SEMA5A: variants seen among roughly 807,000 people sequenced by gnomAD.
SEMA5A encodes semaphorin 5A.
A neutral mutation model predicts 135.5 loss-of-function variants in SEMA5A; 55 were observed. The ratio of observed to expected loss-of-function variants is 0.41; its 90% CI spans 0.33 to 0.51. SEMA5A has a LOEUF of 0.51. Ranked by LOEUF, SEMA5A falls within the 20% of genes least tolerant of loss-of-function variation. The probability of loss-of-function intolerance (pLI) is 0.37; values close to 1 mark genes in which losing one functional copy is unlikely to be tolerated. For synonymous variants in SEMA5A, 580 were observed against 546.5 expected (o/e 1.06, Z -0.85); for missense variants, 1,290 against 1,419.9 (o/e 0.91, Z 1.47).
intron 11 of SEMA5A, among the ~76,000 whole-genome samples, chr5:9,183,440 A>T (rs2150332928): frequency 6.6e-6 from 1 of 152,262 alleles, no homozygotes; most frequent in East Asian, 1.9e-4. Context: ...GAAGCGTGCG[A>T]TCTCATCCAA....
chr5:9,544,507 C>T (rs2126407433), intron 1 of SEMA5A, among the ~76,000 whole-genome samples: 1 of 151,994 alleles, frequency 6.6e-6, no homozygotes, highest in South Asian at 2.1e-4. Context: ...CAGATCAGCT[C>T]CCCCAACCCC....
intron 12 of SEMA5A, among the ~76,000 whole-genome samples, chr5:9,139,770 A>C (rs1741963039): frequency 6.6e-6 from 1 of 152,180 alleles, no homozygotes; most frequent in African/African-American, 2.4e-5. Flanking sequence ...ATAGCATCTA[A>C]TGTGTGTTCC....
intron 1 of SEMA5A, among the ~76,000 whole-genome samples, chr5:9,470,447 C>G (rs774996559): frequency 1.3e-5 from 2 of 152,316 alleles, no homozygotes; most frequent in South Asian, 4.1e-4. Context: ...ATTTCCAGCT[C>G]ATGTGAGAAG....
chr5:9,502,719 CAAG>C (rs1341916920), intron 1 of SEMA5A, among the ~76,000 whole-genome samples: 1 of 152,114 alleles, frequency 6.6e-6, no homozygotes, highest in African/African-American at 2.4e-5. Context: ...TCCTCAACTT[CAAG>C]GAGAGGAGCA....
intron 3 of SEMA5A, among the ~76,000 whole-genome samples, chr5:9,347,969 C>T (rs984302404): frequency 4.6e-5 from 7 of 152,176 alleles, no homozygotes; most frequent in Non-Finnish European, 8.8e-5. Flanking sequence ...TGTTACCCCA[C>T]GTTTTCAATT....
At chr5:9,501,282 A>G (rs1439780010) in intron 1 of SEMA5A, among the ~76,000 whole-genome samples, 2 of 152,240 alleles carry the variant, frequency 1.3e-5, no homozygotes, top group Non-Finnish European at 2.9e-5. Flanking sequence ...GTCTATGCTT[A>G]CTTGCATTCT....
In SEMA5A at chr5:9,075,944, C is replaced by A. The variant is rs374800477; in HGVS notation, c.2074-9298G>T. Among the ~76,000 whole-genome samples the A allele has an allele frequency of 2.5e-4, 38 of 152,140 alleles. No individual in the cohort carries two copies. The Middle Eastern group carries it at 0.01, about 41-fold the overall frequency. Reference sequence around the variant, plus strand: ...TCTTCAGGCCAGGCATGGTGGCTCACGCCTGTAATCCCAGCACTTTGGGAG... The same window carrying A: ...TCTTCAGGCCAGGCATGGTGGCTCAAGCCTGTAATCCCAGCACTTTGGGAG... On this transcript the variant is annotated intron_variant, in intron 16 of 22. Transcript: ENST00000382496.
chr5:9,384,619 CATAGAT>C (rs1755776109), intron 2 of SEMA5A, among the ~76,000 whole-genome samples: 2 of 85,812 alleles, frequency 2.3e-5, no homozygotes, highest in African/African-American at 8.8e-5. Context: ...TAGATAGATA[CATAGAT>C]AGATAGATAG....
At chr5:9,436,140 C>A (rs1758021066) in intron 2 of SEMA5A, among the ~76,000 whole-genome samples, 1 of 152,166 alleles carries the variant, frequency 6.6e-6, no homozygotes, top group African/African-American at 2.4e-5. Context: ...AGAATACGAA[C>A]CTGAAAGGGT....
chr5:9,391,094 C>T (rs1423819214), intron 2 of SEMA5A: 1 of 152,208 alleles, frequency 6.6e-6, no homozygotes, highest in Non-Finnish European at 1.5e-5. Context: ...GCTAGACACA[C>T]AGGTCATCCA....
At position 9,091,377 on chromosome 5, in the gene SEMA5A, G is replaced by A. The variant is rs538647664; in HGVS notation, c.2073+16763C>T. 4.6e-5 allele frequency among the ~76,000 whole-genome samples: 7 copies of A among 152,252 alleles called. No homozygotes were observed. The East Asian group carries it at 1.2e-3, about 25-fold the overall frequency. Reference sequence around the variant, plus strand: ...GTAGATGTACCCATGGGGTACATCTGAGAAAAACAGGGCTCTGTAGAGCTG... The same window carrying A: ...GTAGATGTACCCATGGGGTACATCTAAGAAAAACAGGGCTCTGTAGAGCTG... On this transcript the variant is annotated intron_variant, in intron 16 of 22. Coordinates refer to ENST00000382496, the MANE Select transcript of SEMA5A (RefSeq NM_003966.3).
chr5:9,396,447 TC>T (rs1321603058), intron 2 of SEMA5A, among the ~76,000 whole-genome samples: 1 of 152,110 alleles, frequency 6.6e-6, no homozygotes, highest in Non-Finnish European at 1.5e-5. Flanking sequence ...AGACTGGCCC[TC>T]CTAGGGCTAG....
At chr5:9,151,022 T>C (rs769049085) in intron 12 of SEMA5A, among the ~76,000 whole-genome samples, 1 of 152,172 alleles carries the variant, frequency 6.6e-6, no homozygotes, top group South Asian at 2.1e-4. Context: ...CCAGGTCTCA[T>C]GTTGCAGTAG....
chr5:9,211,954 G>T (rs1411752805), intron 8 of SEMA5A, among the ~76,000 whole-genome samples: 2 of 152,198 alleles, frequency 1.3e-5, no homozygotes, highest in Non-Finnish European at 2.9e-5. Flanking sequence ...CTCAGAGACT[G>T]CAGGACACTG....
intron 4 of SEMA5A, 27 bp downstream of exon 4, chr5:9,337,686 G>A: frequency 6.6e-7 from 1 of 1,517,686 alleles, no homozygotes; most frequent in South Asian, 1.2e-5. Context: ...AAAAATATCT[G>A]TGGTGGCAAA....
intron 6 of SEMA5A, among the ~76,000 whole-genome samples, chr5:9,235,998 C>A (rs1395420229): frequency 6.6e-6 from 1 of 152,138 alleles, no homozygotes; most frequent in Non-Finnish European, 1.5e-5. Context: ...TGGCAGCAGG[C>A]AAGAGAGCTT....
chr5:9,188,447 A>G (rs1157050945), intron 11 of SEMA5A, among the ~76,000 whole-genome samples: 1 of 152,114 alleles, frequency 6.6e-6, no homozygotes, highest in Non-Finnish European at 1.5e-5. Context: ...AGCAAACATG[A>G]CCTACTTGGA....
At chr5:9,445,930 A>G (rs578044693) in intron 1 of SEMA5A, among the ~76,000 whole-genome samples, 1 of 152,318 alleles carries the variant, frequency 6.6e-6, no homozygotes, top group Admixed American at 6.5e-5. Context: ...GATGGCATGA[A>G]AGAGAAATAC....
At chr5:9,445,350 G>A (rs547085236) in intron 1 of SEMA5A, among the ~76,000 whole-genome samples, 13 of 151,612 alleles carry the variant, frequency 8.6e-5, no homozygotes, top group East Asian at 3.9e-4. Flanking sequence ...GAATCCCTTC[G>A]GTAAATATCT....
Sources: gnomAD v4.1 joint callset for allele counts (sites outside exome capture counted in the v4.1 genomes callset) on GRCh38, gnomAD v4.1.1 for gene constraint, MANE v1.5 for transcripts, NCBI Gene and HGNC (gene_info 2026-07-23, HGNC 2026-07-21) for gene names.